Variants in CIBAR1 observed in about 807,000 individuals in gnomAD.
The protein encoded by CIBAR1 is CBY1-interacting BAR domain-containing protein 1.
Under a neutral mutation model 44.0 loss-of-function variants are expected in CIBAR1, and 25 were observed. The observed-to-expected ratio is 0.57, with a 90% CI of 0.41 to 0.79. The LOEUF is 0.79. Ranked by LOEUF, CIBAR1 falls within the 30% of genes least tolerant of loss-of-function variation. The pLI, the probability that CIBAR1 is intolerant of heterozygous loss-of-function variation, is 0.00. For synonymous variants in CIBAR1, 115 were observed against 119.0 expected (o/e 0.97, Z 0.22); for missense variants, 278 against 344.8 (o/e 0.81, Z 1.53).
chr8:93,722,395 T>C (rs1364147012), intron 7 of CIBAR1, among the ~76,000 whole-genome samples: 2 of 152,166 alleles, frequency 1.3e-5, no homozygotes, highest in Non-Finnish European at 2.9e-5. Flanking sequence ...TCTTAATTGT[T>C]CTTCACATAA....
At chr8:93,709,393 G>A (rs1810730910) in intron 5 of CIBAR1, among the ~76,000 whole-genome samples, 1 of 152,090 alleles carries the variant, frequency 6.6e-6, no homozygotes, top group Non-Finnish European at 1.5e-5. Context: ...AGAGACAAAA[G>A]AAAAATAATT....
Sources: allele counts gnomAD v4.1 joint callset (sites outside exome capture counted in the v4.1 genomes callset), GRCh38; gene constraint gnomAD v4.1.1; transcripts MANE v1.5; gene names NCBI Gene and HGNC (gene_info 2026-07-23, HGNC 2026-07-21).